The following AKAP6 variants were observed in gnomAD, a reference collection of about 807,000 sequenced individuals.
The protein encoded by AKAP6 is A-kinase anchoring protein 6.
A neutral mutation model predicts 188.5 loss-of-function variants in AKAP6; 58 were observed. The ratio of observed to expected loss-of-function variants is 0.31; its 90% CI spans 0.25 to 0.38. The LOEUF (loss-of-function observed/expected upper bound fraction) is 0.38. AKAP6 is among the 10% of genes least tolerant of loss of function. The pLI, the probability that AKAP6 is intolerant of heterozygous loss-of-function variation, is 1.00. For synonymous variants in AKAP6, 989 were observed against 998.6 expected (o/e 0.99, Z 0.18); for missense variants, 2,710 against 2,740.0 (o/e 0.99, Z 0.24).
chr14:32,618,884 C>T (rs1886698481), intron 7 of AKAP6, among the ~76,000 whole-genome samples: 1 of 152,030 alleles, frequency 6.6e-6, no homozygotes, highest in South Asian at 2.1e-4. Flanking sequence ...TTAATAATGG[C>T]CATTCTGGCT....
At chr14:32,456,169 T>C (rs1891141640) in intron 2 of AKAP6, among the ~76,000 whole-genome samples, 1 of 152,168 alleles carries the variant, frequency 6.6e-6, no homozygotes, top group African/African-American at 2.4e-5. Context: ...ATAGTGCTAA[T>C]ACCGATGGGA....
Position 32,719,148 on chromosome 14 carries a change from T to TA in AKAP6, c.3001-13301dup, listed in dbSNP as rs550295212. Among the ~76,000 whole-genome samples, 7 of 148,294 alleles carry TA rather than the reference T, an allele frequency of 4.7e-5. No homozygotes were observed. The South Asian group carries it at 1.5e-3, about 32-fold the overall frequency. ...ATAGATGTGAAAACCCTTTGAAAAT[T>TA]AAAAATACTCTGCCAAAAAAAAAGT... is the stretch of plus-strand genomic sequence containing the variant. On this transcript the variant is annotated intron_variant, in intron 9 of 13. Coordinates refer to ENST00000280979, the MANE Select transcript of AKAP6 (RefSeq NM_004274.5).
chr14:32,797,333 A>C (rs1269549833), intron 12 of AKAP6, among the ~76,000 whole-genome samples: 1 of 152,182 alleles, frequency 6.6e-6, no homozygotes, highest in Non-Finnish European at 1.5e-5. Context: ...TTGCAGCACT[A>C]TTCACAGTAG....
chr14:32,480,692 TTG>T (rs145320486), intron 2 of AKAP6, among the ~76,000 whole-genome samples: 11,133 of 152,126 alleles, frequency 0.073, 1,381 homozygotes, highest in African/African-American at 0.25. Flanking sequence ...TAGGTGAGGT[TTG>T]GTATGTAAAG....
intron 11 of AKAP6, among the ~76,000 whole-genome samples, chr14:32,771,339 A>AG (rs201939827): frequency 2.1e-5 from 2 of 93,028 alleles, no homozygotes; most frequent in East Asian, 5.9e-4. Flanking sequence ...GTTCATTTAA[A>AG]GGAAAAAAAA....
chr14:32,521,939 T>C (rs1391953205), intron 2 of AKAP6, among the ~76,000 whole-genome samples: 2 of 152,160 alleles, frequency 1.3e-5, no homozygotes, highest in Admixed American at 6.5e-5. Context: ...CTTCAAACTA[T>C]ACTACAAGGC....
At chr14:32,724,216 C>T (rs981973330) in intron 9 of AKAP6, among the ~76,000 whole-genome samples, 1 of 152,062 alleles carries the variant, frequency 6.6e-6, no homozygotes, top group African/African-American at 2.4e-5. Flanking sequence ...GATCAATATG[C>T]CATATTCATA....
chr14:32,804,429 G>A (rs1482381211), intron 12 of AKAP6, among the ~76,000 whole-genome samples: 1 of 152,134 alleles, frequency 6.6e-6, no homozygotes, highest in Admixed American at 6.6e-5. Context: ...TCTCAGACCA[G>A]CAAGTTTTTA....
At chr14:32,547,112 T>C (rs1883234288) in intron 4 of AKAP6, 113 bp downstream of exon 4, 2 of 1,045,074 alleles carry the variant, frequency 1.9e-6, no homozygotes, top group Non-Finnish European at 2.7e-6. Flanking sequence ...TTTTGATAAA[T>C]CTGATTCTCC....
At chr14:32,486,445 A>T (rs4562975) in intron 2 of AKAP6, among the ~76,000 whole-genome samples, 102,140 of 152,024 alleles carry the variant, frequency 0.67, 35,792 homozygotes, top group East Asian at 0.89. Context: ...TTCCTATCCA[A>T]GAGCATGGAA....
intron 12 of AKAP6, 105 bp from the exon 13 acceptor site, chr14:32,821,297 G>T: frequency 8.0e-7 from 1 of 1,248,056 alleles, no homozygotes; most frequent in Non-Finnish European, 1.1e-6. Flanking sequence ...GTCCATGCTT[G>T]GGGCAGTTTT....
At chr14:32,615,684 C>G (rs1886547239) in intron 7 of AKAP6, among the ~76,000 whole-genome samples, 1 of 150,004 alleles carries the variant, frequency 6.7e-6, no homozygotes, top group Non-Finnish European at 1.5e-5. Flanking sequence ...CAAGCTCCGC[C>G]TCTCAGGTTC....
intron 13 of AKAP6, among the ~76,000 whole-genome samples, chr14:32,825,755 C>T (rs2034657965): frequency 6.6e-6 from 1 of 152,078 alleles, no homozygotes; most frequent in African/African-American, 2.4e-5. Flanking sequence ...GTATGAGATG[C>T]CTAATGCCAC....
At chr14:32,420,909 T>TTTTTTGTGTGTGTGTGTG (rs1555327187) in intron 1 of AKAP6, among the ~76,000 whole-genome samples, 1 of 146,410 alleles carries the variant, frequency 6.8e-6, no homozygotes, top group African/African-American at 2.5e-5. Context: ...GGAGATTGAT[T>TTTTTTGTGTGTGTGTGTG]TGTGTGTGTG....
At chr14:32,516,465 C>G (rs149151106) in intron 2 of AKAP6, among the ~76,000 whole-genome samples, 115 of 152,338 alleles carry the variant, frequency 7.5e-4, no homozygotes, top group Admixed American at 2.2e-3. Flanking sequence ...TGAAACTCCT[C>G]TCTTCTGTGC....
intron 8 of AKAP6, among the ~76,000 whole-genome samples, chr14:32,694,372 CAA>C (rs35144352): frequency 3.6e-5 from 2 of 55,838 alleles, no homozygotes; most frequent in Non-Finnish European, 8.7e-5. Context: ...AAAAAAAAAA[CAA>C]AAAAAAGCGT....
chr14:32,739,742 TG>T (rs1452782394), intron 11 of AKAP6, among the ~76,000 whole-genome samples: 1 of 152,172 alleles, frequency 6.6e-6, no homozygotes, highest in Non-Finnish European at 1.5e-5. Flanking sequence ...ATTATGTATA[TG>T]TACCACATTT....
intron 1 of AKAP6, among the ~76,000 whole-genome samples, chr14:32,350,188 A>G (rs923129752): frequency 9.9e-5 from 15 of 152,200 alleles, no homozygotes; most frequent in Non-Finnish European, 1.9e-4. Context: ...GAACAATAGT[A>G]GCTTTACAGT....
chr14:32,450,543 A>T (rs921432988), intron 2 of AKAP6, among the ~76,000 whole-genome samples: 5 of 152,204 alleles, frequency 3.3e-5, no homozygotes, highest in African/African-American at 1.2e-4. Flanking sequence ...TTGACTCTCC[A>T]TTGTACTATA....
Sources: allele counts gnomAD v4.1 joint callset (sites outside exome capture counted in the v4.1 genomes callset), GRCh38; gene constraint gnomAD v4.1.1; transcripts MANE v1.5; gene names NCBI Gene and HGNC (gene_info 2026-07-23, HGNC 2026-07-21).